The following KLHL32 variants were observed in gnomAD, a reference collection of about 807,000 sequenced individuals.
KLHL32 encodes the protein kelch like family member 32.
In KLHL32, 35 loss-of-function variants were observed where a neutral mutation model predicts 64.8. The ratio of observed to expected loss-of-function variants is 0.54; its 90% CI spans 0.41 to 0.72. The LOEUF is 0.72. Ranked by LOEUF, KLHL32 falls within the 30% of genes least tolerant of loss-of-function variation. The probability of loss-of-function intolerance (pLI) is 0.00; values close to 1 mark genes in which losing one functional copy is unlikely to be tolerated. For missense variants in KLHL32, 589 were observed against 768.5 expected, an observed-to-expected ratio of 0.77 and a Z score of 2.76; for synonymous variants, 259 against 281.0, an observed-to-expected ratio of 0.92 and a Z score of 0.78.
At chr6:96,956,393 A>G (rs1773286183) in intron 1 of KLHL32, among the ~76,000 whole-genome samples, 1 of 152,180 alleles carries the variant, frequency 6.6e-6, no homozygotes, top group Non-Finnish European at 1.5e-5. Flanking sequence ...TCTTCCTCCA[A>G]CAGTCTTCTT....
intron 6 of KLHL32, among the ~76,000 whole-genome samples, chr6:97,107,248 G>C (rs930906420): frequency 6.6e-6 from 1 of 151,804 alleles, no homozygotes; most frequent in African/African-American, 2.4e-5. Context: ...AGCCGAGATC[G>C]CGCCACTGCA....
intron 1 of KLHL32, among the ~76,000 whole-genome samples, chr6:96,965,917 AG>A (rs1258097707): frequency 6.6e-6 from 1 of 152,252 alleles, no homozygotes; most frequent in Non-Finnish European, 1.5e-5. Flanking sequence ...AAATGTTCAA[AG>A]CAACTCAACA....
At chr6:97,136,032 T>A (rs975852465) in intron 10 of KLHL32, among the ~76,000 whole-genome samples, 1 of 152,214 alleles carries the variant, frequency 6.6e-6, no homozygotes, top group Non-Finnish European at 1.5e-5. Context: ...ATCATATGCA[T>A]ACTAAAAATA....
At chr6:97,133,671 C>T (rs1279033061) in intron 10 of KLHL32, among the ~76,000 whole-genome samples, 2 of 152,038 alleles carry the variant, frequency 1.3e-5, no homozygotes, top group Non-Finnish European at 1.5e-5. Context: ...GTTATATCTC[C>T]CTTTACATTC....
chr6:97,033,901 A>G (rs751166674), intron 3 of KLHL32, among the ~76,000 whole-genome samples: 62 of 152,106 alleles, frequency 4.1e-4, no homozygotes, highest in Non-Finnish European at 7.8e-4. Flanking sequence ...TTGCTATTGA[A>G]TTTTGAGTTC....
At chr6:96,960,566 A>C (rs1773778461) in intron 1 of KLHL32, among the ~76,000 whole-genome samples, 2 of 152,232 alleles carry the variant, frequency 1.3e-5, no homozygotes, top group Non-Finnish European at 2.9e-5. Flanking sequence ...ATATGTGATA[A>C]TAGCATGAAT....
At chr6:96,934,403 C>G (rs1770316641) in intron 1 of KLHL32, among the ~76,000 whole-genome samples, 1 of 152,164 alleles carries the variant, frequency 6.6e-6, no homozygotes, top group South Asian at 2.1e-4. Context: ...GAGGACCAGC[C>G]AGGCCATCTG....
At chr6:97,067,918 G>A (rs1006726846) in intron 5 of KLHL32, among the ~76,000 whole-genome samples, 1 of 152,112 alleles carries the variant, frequency 6.6e-6, no homozygotes, top group Non-Finnish European at 1.5e-5. Flanking sequence ...TAGGGGAGAA[G>A]ATTCATTGGT....
intron 3 of KLHL32, among the ~76,000 whole-genome samples, chr6:96,988,010 A>G (rs1295396937): frequency 6.6e-6 from 1 of 152,210 alleles, no homozygotes; most frequent in Non-Finnish European, 1.5e-5. Context: ...CTAGAAGAAA[A>G]CTTAGGCAAT....
chr6:96,918,016 A>G, the KLHL32 span, among the ~76,000 whole-genome samples: 7 of 152,210 alleles, frequency 4.6e-5, no homozygotes, highest in African/African-American at 1.4e-4. Context: ...CTTATTTTCT[A>G]GGCATGCAAA....
intron 4 of KLHL32, among the ~76,000 whole-genome samples, chr6:97,043,967 G>GTTCTCAGTTGTATTTTTTTT: frequency 6.6e-6 from 1 of 151,540 alleles, no homozygotes; most frequent in African/African-American, 2.4e-5. Context: ...AACTATTCGA[G>GTTCTCAGTTGTATTTTTTTT]TTCTCAGTTG....
chr6:96,991,155 C>T (rs1777826099), intron 3 of KLHL32, among the ~76,000 whole-genome samples: 1 of 151,980 alleles, frequency 6.6e-6, no homozygotes. Context: ...TTTGTTCCTT[C>T]CCCAATGCAA....
At chr6:97,103,269 A>G (rs1009039555) in intron 6 of KLHL32, among the ~76,000 whole-genome samples, 1 of 146,312 alleles carries the variant, frequency 6.8e-6, no homozygotes, top group African/African-American at 2.5e-5. Flanking sequence ...GCTGGAGTGC[A>G]GTGGTGCGAT....
At chr6:96,958,951 C>A (rs186097372) in intron 1 of KLHL32, among the ~76,000 whole-genome samples, 2 of 152,248 alleles carry the variant, frequency 1.3e-5, no homozygotes, top group East Asian at 1.9e-4. Flanking sequence ...ACACTTTGGA[C>A]CCTCATCCCT....
chr6:97,136,861 T>A (rs1800076848), intron 10 of KLHL32, among the ~76,000 whole-genome samples: 1 of 152,218 alleles, frequency 6.6e-6, no homozygotes, highest in Admixed American at 6.5e-5. Flanking sequence ...AAAAGCTCTC[T>A]GGATGATTAT....
intron 2 of KLHL32, among the ~76,000 whole-genome samples, chr6:96,967,489 G>A (rs1164460464): frequency 4.8e-5 from 7 of 147,130 alleles, no homozygotes; most frequent in Admixed American, 4.1e-4. Flanking sequence ...AGAGAGATAG[G>A]GATAGAGAAT....
chr6:97,027,768 T>A (rs1782949139), intron 3 of KLHL32, among the ~76,000 whole-genome samples: 1 of 152,244 alleles, frequency 6.6e-6, no homozygotes, highest in Non-Finnish European at 1.5e-5. Context: ...ATGCTGGGAT[T>A]TGGACTCAGG....
chr6:96,941,489 TTC>T lies in KLHL32; in HGVS notation c.-66+16465_-66+16466del, dbSNP rs1165861044. On this transcript the variant is annotated intron_variant, in intron 1 of 10. Coordinates refer to ENST00000369261, the MANE Select transcript of KLHL32 (RefSeq NM_052904.4). Reference sequence around the variant, plus strand: ...ATCTGATTTAATTCTTAAATAAGTTTTCTGAGTGACTTACATTTTAGTCAAAT... The same window carrying T: ...ATCTGATTTAATTCTTAAATAAGTTTTGAGTGACTTACATTTTAGTCAAAT... 2.6e-5 allele frequency among the ~76,000 whole-genome samples: 4 copies of T among 152,320 alleles called. No individual in the cohort carries two copies. The East Asian group carries it at 5.8e-4, about 22-fold the overall frequency.
chr6:96,975,827 A>C (rs1312881724), intron 2 of KLHL32, among the ~76,000 whole-genome samples, 170 bp from the exon 3 acceptor site: 1 of 152,178 alleles, frequency 6.6e-6, no homozygotes, highest in East Asian at 1.9e-4. Flanking sequence ...AATAAGAAAA[A>C]GGGAGAACAA....
Sources: allele counts gnomAD v4.1 joint callset (sites outside exome capture counted in the v4.1 genomes callset), GRCh38; gene constraint gnomAD v4.1.1; transcripts MANE v1.5; gene names NCBI Gene and HGNC (gene_info 2026-07-23, HGNC 2026-07-21).